Variants in DNAJC21 observed in about 807,000 individuals in gnomAD.
The protein encoded by DNAJC21 is DnaJ heat shock protein family (Hsp40) member C21.
Under a neutral mutation model 72.4 loss-of-function variants are expected in DNAJC21, and 63 were observed. The ratio of observed to expected loss-of-function variants is 0.87; its 90% CI spans 0.71 to 1.07. The LOEUF (loss-of-function observed/expected upper bound fraction) is 1.07, where lower values mean the gene tolerates loss of function less well. DNAJC21 is among the 50% of genes least tolerant of loss of function. The pLI is 0.00. For synonymous variants in DNAJC21, 203 were observed against 216.7 expected, an observed-to-expected ratio of 0.94 and a Z score of 0.56; for missense variants, 634 against 644.8, an observed-to-expected ratio of 0.98 and a Z score of 0.18.
intron 1 of DNAJC21, chr5:34,930,146 G>T: frequency 3.0e-6 from 1 of 331,602 alleles, no homozygotes; most frequent in South Asian, 7.7e-5. Flanking sequence ...CCGCGACCCC[G>T]GCCCCGCATC....
chr5:34,930,129 C>A, intron 1 of DNAJC21: 4 of 368,178 alleles, frequency 1.1e-5, no homozygotes, highest in Non-Finnish European at 2.0e-5. Context: ...ACCCCATCTC[C>A]TCATACCCGC....
intron 6 of DNAJC21, among the ~76,000 whole-genome samples, chr5:34,939,416 C>T (rs1290997789): frequency 6.6e-6 from 1 of 152,156 alleles, no homozygotes; most frequent in Admixed American, 6.5e-5. Flanking sequence ...CAGGCGCCCG[C>T]CACCGCGCCC....
At chr5:34,941,926 G>T (rs1273323958) in intron 7 of DNAJC21, among the ~76,000 whole-genome samples, 1 of 151,630 alleles carries the variant, frequency 6.6e-6, no homozygotes, top group African/African-American at 2.4e-5. Context: ...CAATGTGCTT[G>T]TAGCAGTTGA....
chr5:34,943,398 C>G (rs1463528753), intron 7 of DNAJC21, among the ~76,000 whole-genome samples: 2 of 152,220 alleles, frequency 1.3e-5, no homozygotes, highest in Non-Finnish European at 2.9e-5. Context: ...GGACGCCGCA[C>G]AAGCATGTTG....
rs1765563536 is a variant in DNAJC21 at position 34,957,276 on chromosome 5, C to T, written c.*2562C>T. On this transcript the variant is annotated 3_prime_UTR_variant, in exon 12 of 12. Coordinates refer to ENST00000648817, the MANE Select transcript of DNAJC21 (RefSeq NM_001012339.3). ...GTACCCATCTTGATTGAAGTTAGCT[C>T]AGATGTGGAGATTCATAGAATGAGG... 6.6e-6 allele frequency: 1 copy of T among 152,160 alleles called. No homozygotes were observed. Among genetic ancestry groups the T allele is most frequent in the Non-Finnish European group, 1.5e-5 (1 of 68,038 alleles). The allele number at this position is 152,160 out of a possible 1,614,324, so 9.4% of individuals were successfully genotyped here.
chr5:34,954,652 T>A lies in DNAJC21; in HGVS notation c.1534T>A (p.Ser512Thr). 1 of 1,613,690 alleles carries A rather than the reference T, an allele frequency of 6.2e-7. No individual in the cohort carries two copies. The highest frequency in any genetic ancestry group is 8.5e-7 in the Non-Finnish European group (1 of 1,179,860). ...CACAGGTCATGCAAGAGCACCTTCA[T>A]CATCGTCTTTAAACAGCGCAACAAG... ...KATGHARAPSSSSLNSATSSQ... is the reference protein window; with the variant it reads ...KATGHARAPSTSSLNSATSSQ... The change falls in exon 12 of 12, where the codon TCA becomes ACA. Residue 512 changes from serine (S) to threonine (T), a missense_variant. Ser to Thr is a moderately conservative substitution (Grantham distance 58). Coordinates refer to ENST00000648817, the MANE Select transcript of DNAJC21 (RefSeq NM_001012339.3).
At chr5:34,952,834 T>G (rs1765420926) in intron 10 of DNAJC21, 1 of 152,208 alleles carries the variant, frequency 6.6e-6, no homozygotes, top group Non-Finnish European at 1.5e-5. Flanking sequence ...TTGAAGTGTT[T>G]GTTAAACTGG....
At position 34,937,399 on chromosome 5, in the gene DNAJC21, A is replaced by AC; in HGVS notation, c.512_513insC (p.Thr172TyrfsTer30). The AC allele has an allele frequency of 6.2e-7, 1 of 1,614,204 alleles. No homozygotes were observed. ...AATTTTGCATGGAAGGAAGAATATG[A>AC]TACACGACAGGCTTCAAACCGCTGG... On this transcript the variant is annotated frameshift_variant, in exon 5 of 12. Transcript: ENST00000648817. LOFTEE classifies it high-confidence loss of function.
At chr5:34,952,408 A>G (rs1765402958) in intron 10 of DNAJC21, 2 of 285,324 alleles carry the variant, frequency 7.0e-6, no homozygotes, top group Non-Finnish European at 1.1e-5. Context: ...TTAAATGCAT[A>G]GGCCGTTTAA....
chr5:34,943,173 C>T (rs1173914941), intron 7 of DNAJC21, among the ~76,000 whole-genome samples: 3 of 152,134 alleles, frequency 2.0e-5, no homozygotes, highest in Non-Finnish European at 4.4e-5. Flanking sequence ...TAATTTACTA[C>T]CTGCATTCCA....
Position 34,939,011 on chromosome 5 carries a change from T to G in DNAJC21, c.895+2T>G. The G allele has an allele frequency of 6.5e-7, 1 of 1,544,340 alleles. No individual in the cohort carries two copies. The highest frequency in any genetic ancestry group is 1.3e-5 in the South Asian group (1 of 79,768). On this transcript the variant is annotated splice_donor_variant, in intron 6 of 11. Transcript: ENST00000648817. LOFTEE classifies it high-confidence loss of function. ...ATGAACTCAAAGATGAGGAGGATGG[T>G]AATATTATTTTTATTTTATTTATCT... is the stretch of plus-strand genomic sequence containing the variant.
chr5:34,930,149 C>A (rs185528686), intron 1 of DNAJC21: 82 of 325,726 alleles, frequency 2.5e-4, no homozygotes, highest in African/African-American at 1.7e-3. Context: ...CGACCCCGGC[C>A]CCGCATCGCC....
rs185526625 is a variant in DNAJC21, at chr5:34,945,828, A to T, written c.1185+25A>T. Reference sequence around the variant, plus strand: ...GGTATGTTAGAAAGGTTTTGTTAACATTAAATGCCAACGATAAAGTTGCAG... The same window carrying T: ...GGTATGTTAGAAAGGTTTTGTTAACTTTAAATGCCAACGATAAAGTTGCAG... On this transcript the variant is annotated intron_variant, in intron 9 of 11. Transcript: ENST00000648817. 478 of 1,515,198 alleles carry T rather than the reference A, an allele frequency of 3.2e-4. 4 individuals carry two copies. In the African/African-American group the frequency reaches 5.9e-3, roughly 19 times the overall value. The allele number at this position is 1,515,198 out of a possible 1,614,324, so 93.9% of individuals were successfully genotyped here.
At chr5:34,934,517 C>T (rs149146140) in intron 2 of DNAJC21, among the ~76,000 whole-genome samples, 1 of 151,976 alleles carries the variant, frequency 6.6e-6, no homozygotes, top group Non-Finnish European at 1.5e-5. Context: ...AAGTATGAGC[C>T]ACTGTGCTCA....
At chr5:34,951,903 C>T (rs1342349433) in intron 10 of DNAJC21, 1 of 985,480 alleles carries the variant, frequency 1.0e-6, no homozygotes, top group Non-Finnish European at 1.2e-6. Context: ...TATAGTTCAG[C>T]TCTCTAATTT....
At chr5:34,930,023 C>A (rs924076882) in intron 1 of DNAJC21, 107 bp downstream of exon 1, 10 of 868,980 alleles carry the variant, frequency 1.2e-5, no homozygotes, top group African/African-American at 8.9e-5. Context: ...AGGGACCTGG[C>A]GGCCTAGGAG....
rs572103777 is a variant in DNAJC21, at chr5:34,945,593, A to G, written c.1143-168A>G. ...CTACAGCCTTGTGTTATTCTCTAAA[A>G]TGACAATGTGAATACTTTATTTTCC... On this transcript the variant is annotated intron_variant, in intron 8 of 11. Coordinates refer to ENST00000648817, the MANE Select transcript of DNAJC21 (RefSeq NM_001012339.3). 8.7e-6 allele frequency: 5 copies of G among 577,932 alleles called. No individual in the cohort carries two copies. In the African/African-American group the frequency reaches 9.7e-5, roughly 11 times the overall value. 35.8% of individuals were successfully genotyped at this position (577,932 alleles called of 1,614,324 possible).
At chr5:34,940,281 T>C (rs1039619167) in intron 6 of DNAJC21, among the ~76,000 whole-genome samples, 4 of 152,244 alleles carry the variant, frequency 2.6e-5, no homozygotes, top group African/African-American at 9.6e-5. Context: ...ATTGAAAGTC[T>C]ACAATACCAT....
intron 7 of DNAJC21, among the ~76,000 whole-genome samples, chr5:34,941,390 C>T (rs532638247): frequency 4.6e-4 from 70 of 152,062 alleles, no homozygotes; most frequent in African/African-American, 1.7e-3. Flanking sequence ...TTTGCACCAA[C>T]CTAAATATTT....
Sources: allele counts gnomAD v4.1 joint callset (sites outside exome capture counted in the v4.1 genomes callset), GRCh38; gene constraint gnomAD v4.1.1; transcripts MANE v1.5; gene names NCBI Gene and HGNC (gene_info 2026-07-23, HGNC 2026-07-21).